DOCK2: variants seen among roughly 807,000 people sequenced by gnomAD.
DOCK2 encodes the protein dedicator of cytokinesis 2, also known as dedicator of cytokinesis protein 2.
In DOCK2, 87 loss-of-function variants were observed where a neutral mutation model predicts 248.9. The observed-to-expected ratio is 0.35, with a 90% CI of 0.29 to 0.42. The LOEUF (loss-of-function observed/expected upper bound fraction) is 0.42, where lower values mean the gene tolerates loss of function less well. Among genes scored for constraint, DOCK2 ranks in the 10% least tolerant of loss-of-function variants. DOCK2 has a pLI of 1.00. For synonymous variants in DOCK2, 805 were observed against 821.6 expected (o/e 0.98, Z 0.35); for missense variants, 1,747 against 2,300.2 (o/e 0.76, Z 4.92).
At chr5:169,858,419 G>A (rs1214230422) in intron 27 of DOCK2, among the ~76,000 whole-genome samples, 1 of 152,142 alleles carries the variant, frequency 6.6e-6, no homozygotes, top group African/African-American at 2.4e-5. Flanking sequence ...TAGGTGGGGA[G>A]TATTGAAGGC....
At chr5:169,725,978 T>C (rs555825128) in intron 22 of DOCK2, among the ~76,000 whole-genome samples, 1 of 152,352 alleles carries the variant, frequency 6.6e-6, no homozygotes, top group Non-Finnish European at 1.5e-5. Context: ...CATGTGCATG[T>C]GTCTTTATAG....
chr5:170,031,519 A>G (rs183610064), intron 34 of DOCK2, among the ~76,000 whole-genome samples: 2 of 152,340 alleles, frequency 1.3e-5, no homozygotes, highest in East Asian at 3.9e-4. Context: ...AGCTTTTGTC[A>G]TACTCTGTTG....
At chr5:169,772,205 G>A (rs111490083) in intron 25 of DOCK2, among the ~76,000 whole-genome samples, 4,508 of 152,312 alleles carry the variant, frequency 0.03, 83 homozygotes, top group Middle Eastern at 0.048. Context: ...GGAAAAAGGA[G>A]TAGCCTCTCC....
At chr5:169,979,030 C>A (rs1158555014) in intron 27 of DOCK2, among the ~76,000 whole-genome samples, 1 of 152,168 alleles carries the variant, frequency 6.6e-6, no homozygotes, top group Non-Finnish European at 1.5e-5. Flanking sequence ...TCCTGGCATG[C>A]TGCTTGGATA....
At chr5:169,952,581 C>T (rs990654267) in intron 27 of DOCK2, among the ~76,000 whole-genome samples, 1 of 152,088 alleles carries the variant, frequency 6.6e-6, no homozygotes, top group African/African-American at 2.4e-5. Flanking sequence ...GCACATGAGA[C>T]TGTACAGGAG....
At chr5:169,983,718 C>T (rs1182337102) in intron 28 of DOCK2, among the ~76,000 whole-genome samples, 1 of 152,182 alleles carries the variant, frequency 6.6e-6, no homozygotes, top group East Asian at 1.9e-4. Flanking sequence ...ACACTTTGCC[C>T]TCAGTGTGGC....
intron 44 of DOCK2, among the ~76,000 whole-genome samples, chr5:170,060,654 C>A (rs17072047): frequency 0.24 from 37,068 of 152,098 alleles, 5,123 homozygotes; most frequent in African/African-American, 0.37. Flanking sequence ...ACTCAGAGGT[C>A]ATGAGAGAGC....
chr5:169,987,086 T>C (rs1405964587), intron 29 of DOCK2, among the ~76,000 whole-genome samples: 1 of 152,214 alleles, frequency 6.6e-6, no homozygotes, highest in East Asian at 1.9e-4. Context: ...AATAGCAATG[T>C]AGGGAATCTG....
At chr5:169,906,117 C>T (rs560529561) in intron 27 of DOCK2, among the ~76,000 whole-genome samples, 17 of 152,256 alleles carry the variant, frequency 1.1e-4, no homozygotes, top group African/African-American at 2.9e-4. Flanking sequence ...GTCCTGAGTT[C>T]GACCTTCTTT....
At chr5:169,746,756 G>A (rs1763637555) in intron 22 of DOCK2, among the ~76,000 whole-genome samples, 1 of 152,144 alleles carries the variant, frequency 6.6e-6, no homozygotes, top group Admixed American at 6.5e-5. Flanking sequence ...GTCCCTAGAA[G>A]GATACCCATT....
rs200133232 is a variant in DOCK2, at chr5:169,681,898, G to T, written c.606+19G>T. On this transcript the variant is annotated intron_variant, in intron 7 of 51. Transcript: ENST00000520908. ...AGAAATGGTGAGCTTTACTAAATAG[G>T]CTTTGGCCAAGTGATACAATCATTT... 1.4e-4 allele frequency: 227 copies of T among 1,611,454 alleles called. No homozygotes were observed. Among genetic ancestry groups the T allele is most frequent in the Non-Finnish European group, 1.8e-4 (210 of 1,179,074 alleles).
intron 23 of DOCK2, among the ~76,000 whole-genome samples, chr5:169,754,022 G>T (rs766423594): frequency 6.6e-6 from 1 of 152,134 alleles, no homozygotes. Context: ...TAGCATTCTT[G>T]CATAACTGTG....
At chr5:170,073,184 G>A (rs1757736006) in intron 46 of DOCK2, among the ~76,000 whole-genome samples, 1 of 152,128 alleles carries the variant, frequency 6.6e-6, no homozygotes, top group Non-Finnish European at 1.5e-5. Context: ...TAAAGTAAGA[G>A]GCAGATTATT....
chr5:169,775,440 T>G (rs1003820185), intron 25 of DOCK2, among the ~76,000 whole-genome samples: 1 of 152,032 alleles, frequency 6.6e-6, no homozygotes, highest in Non-Finnish European at 1.5e-5. Context: ...TCTTTTTTCT[T>G]TTTTTTGAGA....
intron 25 of DOCK2, among the ~76,000 whole-genome samples, chr5:169,800,684 A>G (rs1766908087): frequency 6.6e-6 from 1 of 151,978 alleles, no homozygotes; most frequent in African/African-American, 2.4e-5. Flanking sequence ...GTAAATTGGG[A>G]CTCTTTGGTT....
chr5:169,731,730 A>G (rs1447567451), intron 22 of DOCK2, among the ~76,000 whole-genome samples: 3 of 152,124 alleles, frequency 2.0e-5, no homozygotes, highest in Admixed American at 6.6e-5. Flanking sequence ...AAGGGTATTA[A>G]TTATTTTTTT....
rs201919063 is a variant in DOCK2, at chr5:169,882,996, A to G, written c.2799+42144A>G. ...TGTGAGTCCGTGGAGATGAAGGAAC[A>G]CACGTTTCCTTTGACTGAGATGACA... On this transcript the variant is annotated intron_variant, in intron 27 of 51. Transcript: ENST00000520908. 1.5e-3 allele frequency: 2,376 copies of G among 1,551,646 alleles called. 3 individuals carry two copies. Among genetic ancestry groups the G allele is most frequent in the Non-Finnish European group, 2.0e-3 (2,243 of 1,146,910 alleles).
At chr5:169,647,973 C>A (rs771902444) in intron 1 of DOCK2, among the ~76,000 whole-genome samples, 1 of 152,138 alleles carries the variant, frequency 6.6e-6, no homozygotes, top group African/African-American at 2.4e-5. Context: ...GAGTGCCAGA[C>A]GCTCTCTGCA....
chr5:169,849,429 A>G (rs1389961502), intron 27 of DOCK2, among the ~76,000 whole-genome samples: 2 of 152,230 alleles, frequency 1.3e-5, no homozygotes, highest in African/African-American at 4.8e-5. Flanking sequence ...ATGAATAACT[A>G]AGGTTAGTCT....
Sources: allele counts gnomAD v4.1 joint callset (sites outside exome capture counted in the v4.1 genomes callset), GRCh38; gene constraint gnomAD v4.1.1; transcripts MANE v1.5; gene names NCBI Gene and HGNC (gene_info 2026-07-23, HGNC 2026-07-21).